Variants in CLSTN2 observed in about 807,000 individuals in gnomAD.
CLSTN2 encodes the protein calsyntenin 2.
In CLSTN2, 48 loss-of-function variants were observed where a neutral mutation model predicts 101.2. That is an observed-to-expected ratio of 0.47 (90% CI 0.38 to 0.60). The LOEUF (loss-of-function observed/expected upper bound fraction) is 0.60, where lower values mean the gene tolerates loss of function less well. CLSTN2 is among the 20% of genes least tolerant of loss of function. The pLI, the probability that CLSTN2 is intolerant of heterozygous loss-of-function variation, is 0.00. For synonymous variants in CLSTN2, 481 were observed against 463.6 expected, an observed-to-expected ratio of 1.04 and a Z score of -0.48; for missense variants, 1,160 against 1,238.2, an observed-to-expected ratio of 0.94 and a Z score of 0.95.
chr3:140,151,243 G>T (rs1440460234), intron 1 of CLSTN2, among the ~76,000 whole-genome samples: 2 of 152,236 alleles, frequency 1.3e-5, no homozygotes, highest in African/African-American at 4.8e-5. Context: ...GTGAGTGGTT[G>T]TCACAGGAAA....
At chr3:140,318,656 T>C (rs2087253391) in intron 2 of CLSTN2, among the ~76,000 whole-genome samples, 1 of 152,170 alleles carries the variant, frequency 6.6e-6, no homozygotes, top group South Asian at 2.1e-4. Context: ...TGTCTCCAAA[T>C]GCTAGAGTTC....
At chr3:140,235,816 G>C (rs1283525406) in intron 2 of CLSTN2, among the ~76,000 whole-genome samples, 2 of 152,176 alleles carry the variant, frequency 1.3e-5, no homozygotes, top group Non-Finnish European at 2.9e-5. Flanking sequence ...GCTGATTAGA[G>C]AAGGTGAGGA....
rs1935273541 is a variant in CLSTN2, at chr3:140,532,305, TTC to T, written c.1345-15_1345-14del. Reference sequence around the variant, plus strand: ...TTACATATTCAATTTTAAATGTTGCTTCTCTTTCCTTTTCTTAGATTTGTGAC... The same window carrying T: ...TTACATATTCAATTTTAAATGTTGCTTCTTTCCTTTTCTTAGATTTGTGAC... On this transcript the variant is annotated splice_polypyrimidine_tract_variant and intron_variant, in intron 8 of 16. Transcript: ENST00000458420. The T allele has an allele frequency of 6.3e-7, 1 of 1,577,010 alleles. No individual in the cohort carries two copies. The highest frequency in any genetic ancestry group is 8.7e-7 in the Non-Finnish European group (1 of 1,155,784).
At chr3:140,482,014 C>G (rs1007830227) in intron 8 of CLSTN2, among the ~76,000 whole-genome samples, 2 of 152,152 alleles carry the variant, frequency 1.3e-5, no homozygotes, top group Admixed American at 1.3e-4. Context: ...AGAGGGCATC[C>G]CTGTCCTGTG....
intron 2 of CLSTN2, among the ~76,000 whole-genome samples, chr3:140,357,591 C>G (rs557696376): frequency 2.0e-5 from 3 of 152,194 alleles, no homozygotes; most frequent in South Asian, 4.2e-4. Flanking sequence ...CCAAGATGGT[C>G]CCTTTTGTGA....
At chr3:140,346,452 C>G (rs2107939706) in intron 2 of CLSTN2, among the ~76,000 whole-genome samples, 1 of 152,308 alleles carries the variant, frequency 6.6e-6, no homozygotes, top group Non-Finnish European at 1.5e-5. Flanking sequence ...CTCCGTGTAA[C>G]TATACCCTGT....
intron 12 of CLSTN2, among the ~76,000 whole-genome samples, chr3:140,561,426 G>A (rs1004279910): frequency 5.3e-5 from 8 of 152,170 alleles, no homozygotes; most frequent in African/African-American, 1.9e-4. Flanking sequence ...TGGGAAATTT[G>A]GAGTCATACA....
chr3:140,027,381 C>T (rs1010536410), intron 1 of CLSTN2, among the ~76,000 whole-genome samples: 2 of 152,048 alleles, frequency 1.3e-5, no homozygotes, highest in Admixed American at 6.6e-5. Context: ...GGGAGAGGAC[C>T]GTGTGAAGAT....
intron 11 of CLSTN2, 45 bp downstream of exon 11, chr3:140,556,706 G>T (rs1305907206): frequency 1.3e-6 from 2 of 1,597,430 alleles, no homozygotes; most frequent in East Asian, 2.2e-5. Flanking sequence ...GGCAGCAGTT[G>T]GGAAGGTCCC....
intron 2 of CLSTN2, among the ~76,000 whole-genome samples, chr3:140,288,355 G>A (rs2086917334): frequency 6.6e-6 from 1 of 152,106 alleles, no homozygotes; most frequent in Admixed American, 6.6e-5. Flanking sequence ...CAGGATGAGT[G>A]TGCTGCCATC....
At chr3:140,556,272 A>T (rs1315360791) in intron 10 of CLSTN2, among the ~76,000 whole-genome samples, 1 of 152,132 alleles carries the variant, frequency 6.6e-6, no homozygotes, top group Non-Finnish European at 1.5e-5. Flanking sequence ...GCTCAGACCG[A>T]TATTACCAGG....
In CLSTN2 at chr3:140,307,532, T is replaced by A. The variant is rs540034817; in HGVS notation, c.233-96097T>A. Among the ~76,000 whole-genome samples, 4 of 152,360 alleles carry A rather than the reference T, an allele frequency of 2.6e-5. No homozygotes were observed. The East Asian group carries it at 7.7e-4, about 29-fold the overall frequency. On this transcript the variant is annotated intron_variant, in intron 2 of 16. Coordinates refer to ENST00000458420, the MANE Select transcript of CLSTN2 (RefSeq NM_022131.3). ...TCCTCTCAGGATTCAGCATAAAGTA[T>A]GTGGCATGTAGTAAATGCTGAAAAA...
At chr3:140,403,992 G>A (rs111820376) in intron 3 of CLSTN2, among the ~76,000 whole-genome samples, 168 bp downstream of exon 3, 14 of 152,328 alleles carry the variant, frequency 9.2e-5, no homozygotes, top group African/African-American at 3.4e-4. Context: ...TTCCCAGTCT[G>A]CTTTCCACAC....
At chr3:139,951,732 C>T (rs1935299393) in intron 1 of CLSTN2, among the ~76,000 whole-genome samples, 1 of 152,132 alleles carries the variant, frequency 6.6e-6, no homozygotes, top group Admixed American at 6.6e-5. Context: ...AGCTGCCACC[C>T]TTTGGGAAAG....
At chr3:139,981,207 A>G (rs1935913953) in intron 1 of CLSTN2, among the ~76,000 whole-genome samples, 2 of 152,168 alleles carry the variant, frequency 1.3e-5, no homozygotes, top group South Asian at 2.1e-4. Context: ...AGCTGTGTGC[A>G]TGGGGAATAG....
intron 1 of CLSTN2, among the ~76,000 whole-genome samples, chr3:140,105,411 C>G (rs187199367): frequency 2.6e-5 from 4 of 152,304 alleles, no homozygotes; most frequent in Admixed American, 2.6e-4. Context: ...ATATGACACA[C>G]ATTTTGGTAG....
chr3:140,463,061 G>A (rs1191459560), intron 7 of CLSTN2, among the ~76,000 whole-genome samples: 1 of 152,182 alleles, frequency 6.6e-6, no homozygotes, highest in Non-Finnish European at 1.5e-5. Flanking sequence ...AGGTCATTGT[G>A]TGGGGCCCTG....
At chr3:140,502,951 A>G (rs916456525) in intron 8 of CLSTN2, among the ~76,000 whole-genome samples, 1 of 152,246 alleles carries the variant, frequency 6.6e-6, no homozygotes, top group Non-Finnish European at 1.5e-5. Context: ...GCTAAAATCA[A>G]TCAAAGTATT....
intron 1 of CLSTN2, among the ~76,000 whole-genome samples, chr3:140,153,995 C>G (rs2009909559): frequency 6.6e-6 from 1 of 152,204 alleles, no homozygotes; most frequent in South Asian, 2.1e-4. Context: ...ACTGTCTAAG[C>G]TCCAGAGAAA....
Sources: gnomAD v4.1 joint callset for allele counts (sites outside exome capture counted in the v4.1 genomes callset) on GRCh38, gnomAD v4.1.1 for gene constraint, MANE v1.5 for transcripts, NCBI Gene and HGNC (gene_info 2026-07-23, HGNC 2026-07-21) for gene names.